The following PCDHGA2 variants were observed in gnomAD, a reference collection of about 807,000 sequenced individuals.
The protein encoded by PCDHGA2 is protocadherin gamma-A2.
A neutral mutation model predicts 59.2 loss-of-function variants in PCDHGA2; 40 were observed. That is an observed-to-expected ratio of 0.68 (90% CI 0.52 to 0.88). The LOEUF (loss-of-function observed/expected upper bound fraction) is 0.88, where lower values mean the gene tolerates loss of function less well. PCDHGA2 is among the 40% of genes least tolerant of loss of function. The pLI is 0.00. For missense variants in PCDHGA2, 1,226 were observed against 1,204.0 expected (o/e 1.02, Z -0.27); for synonymous variants, 560 against 526.0 (o/e 1.06, Z -0.89).
chr5:141,417,851 G>T (rs1196210157), intron 1 of PCDHGA2: 1 of 1,543,508 alleles, frequency 6.5e-7, no homozygotes. Flanking sequence ...GCGAGAACCC[G>T]AGCGAACGAT....
intron 1 of PCDHGA2, chr5:141,392,356 G>A (rs970397239): frequency 6.6e-6 from 1 of 152,614 alleles, no homozygotes; most frequent in Admixed American, 6.5e-5. Flanking sequence ...TTAATCCGAT[G>A]CTACAATCTG....
intron 1 of PCDHGA2, chr5:141,365,210 C>A: frequency 1.2e-6 from 2 of 1,613,928 alleles, no homozygotes; most frequent in Non-Finnish European, 1.7e-6. Flanking sequence ...GACTTTCCAA[C>A]TTGATTCCAA....
chr5:141,394,567 G>A, intron 1 of PCDHGA2: 1 of 1,614,040 alleles, frequency 6.2e-7, no homozygotes, highest in Non-Finnish European at 8.5e-7. Flanking sequence ...GCAGAGCGTG[G>A]CTACCTGGTG....
intron 1 of PCDHGA2, chr5:141,399,144 T>G: frequency 6.2e-7 from 1 of 1,613,728 alleles, no homozygotes. Flanking sequence ...AAAATGACAA[T>G]AGCCCAGAAG....
intron 1 of PCDHGA2, chr5:141,384,877 C>T (rs2150276041): frequency 6.2e-7 from 1 of 1,613,844 alleles, no homozygotes; most frequent in African/African-American, 1.3e-5. Context: ...CACCGTCACA[C>T]TCACCGTGGC....
chr5:141,404,225 A>G, intron 1 of PCDHGA2: 6 of 1,613,828 alleles, frequency 3.7e-6, no homozygotes, highest in Non-Finnish European at 5.1e-6. Context: ...GGTGACTGCA[A>G]CAGACAGAGG....
At chr5:141,441,494 ACCAGG>A (rs1325946941) in intron 1 of PCDHGA2, 1 of 170,360 alleles carries the variant, frequency 5.9e-6, no homozygotes, top group Non-Finnish European at 1.3e-5. Flanking sequence ...CTGGTTTTCT[ACCAGG>A]CCTCCTACGT....
rs138149681 is a variant in PCDHGA2, at chr5:141,486,735, G to A, written c.2425-8072G>A. Reference sequence around the variant, plus strand: ...CAGACAGGAGCTGTTCATGCTACTCGATCCTTTGACTATGAGCAAACCCAG... The same window carrying A: ...CAGACAGGAGCTGTTCATGCTACTCAATCCTTTGACTATGAGCAAACCCAG... On this transcript the variant is annotated intron_variant, in intron 1 of 3. Transcript: ENST00000394576. The surrounding 1 kb of genome is among the most constrained non-coding windows in gnomAD (Gnocchi z 5.0). 3.1e-4 allele frequency: 502 copies of A among 1,614,174 alleles called. 1 individual carries two copies. Among genetic ancestry groups the A allele is most frequent in the South Asian group, 1.8e-3 (161 of 91,086 alleles).
At chr5:141,465,293 G>A (rs1407146382) in intron 1 of PCDHGA2, among the ~76,000 whole-genome samples, 2 of 152,258 alleles carry the variant, frequency 1.3e-5, no homozygotes, top group South Asian at 2.1e-4. Flanking sequence ...AAAGAACTGA[G>A]AGTCCTGGGA....
chr5:141,460,848 C>T lies in PCDHGA2; in HGVS notation c.2425-33959C>T, dbSNP rs528601988. Among the ~76,000 whole-genome samples, 257 of 150,340 alleles carry T rather than the reference C, an allele frequency of 1.7e-3. 1 individual carries two copies. The highest frequency in any genetic ancestry group is 4.2e-3 in the Admixed American group (62 of 14,868). ...ACACTTAAAGTAATGGCCTCCAGTT[C>T]GATCCAAGTTGCTGCAAAGGACATT... is the stretch of plus-strand genomic sequence containing the variant. On this transcript the variant is annotated intron_variant, in intron 1 of 3. Transcript: ENST00000394576.
At chr5:141,394,686 G>A in intron 1 of PCDHGA2, 4 of 1,612,316 alleles carry the variant, frequency 2.5e-6, no homozygotes, top group Non-Finnish European at 3.4e-6. Context: ...GCACACGGGC[G>A]AGGTGCGCAC....
At position 141,489,437 on chromosome 5, in the gene PCDHGA2, T is replaced by C; in HGVS notation, c.2425-5370T>C. The C allele has an allele frequency of 6.2e-7, 1 of 1,614,110 alleles. No individual in the cohort carries two copies. Among genetic ancestry groups the C allele is most frequent in the Non-Finnish European group, 8.5e-7 (1 of 1,180,020 alleles). ...GATCTGTTGAGCCGGCGGCTGCAATTGGGCTCTGAGGAGAATGGGCGCTAT... is the reference window on the plus strand; with the variant it reads ...GATCTGTTGAGCCGGCGGCTGCAATCGGGCTCTGAGGAGAATGGGCGCTAT... On this transcript the variant is annotated intron_variant, in intron 1 of 3. Transcript: ENST00000394576. This position sits in a 1 kb window ranked among gnomAD's most constrained non-coding sequence, Gnocchi z 4.5.
chr5:141,389,541 C>A, intron 1 of PCDHGA2: 2 of 1,613,242 alleles, frequency 1.2e-6, no homozygotes, highest in Non-Finnish European at 1.7e-6. Context: ...AGTGGACGAC[C>A]GCAACGACAA....
At position 141,486,027 on chromosome 5, in the gene PCDHGA2, C is replaced by A. The variant is rs2099623152; in HGVS notation, c.2425-8780C>A. 2 of 1,614,048 alleles carry A rather than the reference C, an allele frequency of 1.2e-6. No individual in the cohort carries two copies. Among genetic ancestry groups the A allele is most frequent in the African/African-American group, 2.7e-5 (2 of 74,912 alleles). On this transcript the variant is annotated intron_variant, in intron 1 of 3. Coordinates refer to ENST00000394576, the MANE Select transcript of PCDHGA2 (RefSeq NM_018915.4). The surrounding 1 kb of genome is among the most constrained non-coding windows in gnomAD (Gnocchi z 5.0). ...GTCACCTTTTATTTCAGTGGTCATA[C>A]CCCTGATCGTGTAAGAAACCTCTTT...
chr5:141,403,577 C>A (rs1188693688), intron 1 of PCDHGA2: 5 of 1,613,812 alleles, frequency 3.1e-6, no homozygotes, highest in Non-Finnish European at 3.4e-6. Context: ...AACTGCCCAC[C>A]ACCTGGTCCT....
chr5:141,480,380 A>C (rs1192159457), intron 1 of PCDHGA2, among the ~76,000 whole-genome samples: 3 of 151,970 alleles, frequency 2.0e-5, no homozygotes, highest in African/African-American at 4.8e-5. Context: ...GCACCACTAC[A>C]CTTCAACCAT....
chr5:141,345,426 A>T (rs758547932), intron 1 of PCDHGA2: 2 of 1,614,002 alleles, frequency 1.2e-6, no homozygotes, highest in Non-Finnish European at 1.7e-6. Flanking sequence ...TCCAGAAAAC[A>T]ACCCCAGAGG....
intron 3 of PCDHGA2, 110 bp downstream of exon 3, chr5:141,505,591 G>T: frequency 6.4e-7 from 1 of 1,570,280 alleles, no homozygotes; most frequent in Non-Finnish European, 8.7e-7. Flanking sequence ...AGTTTCTCCA[G>T]ATCTTTCGGC....
In PCDHGA2 at chr5:141,364,376, C is replaced by T. The variant is rs574883395; in HGVS notation, c.2424+22981C>T. 8.9e-6 allele frequency: 14 copies of T among 1,575,320 alleles called. No individual in the cohort carries two copies. The African/African-American group carries it at 1.4e-4, about 15-fold the overall frequency. ...CTGGGGCTGCGGAGAGCTGCTGCTG[C>T]CCTTCATGCTCCTGGGGACGCTGTG... On this transcript the variant is annotated intron_variant, in intron 1 of 3. Transcript: ENST00000394576.
Sources: allele counts gnomAD v4.1 joint callset (sites outside exome capture counted in the v4.1 genomes callset), GRCh38; gene constraint gnomAD v4.1.1; non-coding constraint Gnocchi (gnomAD v3.1); transcripts MANE v1.5; gene names NCBI Gene and HGNC (gene_info 2026-07-23, HGNC 2026-07-21).